The following SSUH2 variants were observed in gnomAD, a reference collection of about 807,000 sequenced individuals.
The protein encoded by SSUH2 is ssu-2 homolog.
SSUH2 carries 47 observed loss-of-function variants against 55.3 expected under a neutral mutation model. The ratio of observed to expected loss-of-function variants is 0.85; its 90% CI spans 0.67 to 1.08. The LOEUF (loss-of-function observed/expected upper bound fraction) is 1.08. SSUH2 is among the 50% of genes least tolerant of loss of function. The probability of loss-of-function intolerance (pLI) is 0.00; values close to 1 mark genes in which losing one functional copy is unlikely to be tolerated. For missense variants in SSUH2, 535 were observed against 490.7 expected (o/e 1.09, Z -0.85); for synonymous variants, 212 against 191.5 (o/e 1.11, Z -0.89).
chr3:8,677,704 CCT>C (rs1257204782), intron 2 of SSUH2, among the ~76,000 whole-genome samples: 8 of 150,740 alleles, frequency 5.3e-5, no homozygotes, highest in Non-Finnish European at 7.4e-5. Context: ...GGATTGCCCC[CCT>C]GTTTTAGGGC....
chr3:8,627,468 C>T lies in SSUH2; in HGVS notation c.674+230G>A, dbSNP rs1697826266. ...CCTCCCTGCAGTGGCTCTTTCTTCA[C>T]ACTCTTTCCACATATATTGCATGAC... On this transcript the variant is annotated intron_variant, in intron 8 of 11. Transcript: ENST00000544814. The T allele has an allele frequency of 7.5e-6, 3 of 397,588 alleles. No homozygotes were observed. The South Asian group carries it at 4.1e-4, about 54-fold the overall frequency. 24.6% of individuals were successfully genotyped at this position (397,588 alleles called of 1,614,324 possible).
At chr3:8,629,633 C>CTGACTCTCCAGTGGTTCACAGA in intron 7 of SSUH2, 31 bp downstream of exon 7, 6 of 1,587,720 alleles carry the variant, frequency 3.8e-6, no homozygotes, top group Non-Finnish European at 4.3e-6. Context: ...CACACCCTCA[C>CTGACTCTCCAGTGGTTCACAGA]TGACTCACCA....
chr3:8,665,106 T>C (rs557057230), intron 5 of SSUH2, among the ~76,000 whole-genome samples: 13 of 152,218 alleles, frequency 8.5e-5, no homozygotes, highest in Admixed American at 3.3e-4. Context: ...GTCAATGTTG[T>C]AGAATATTTA....
At chr3:8,676,086 G>A (rs60872910) in intron 3 of SSUH2, among the ~76,000 whole-genome samples, 6,601 of 151,966 alleles carry the variant, frequency 0.043, 466 homozygotes, top group African/African-American at 0.15. Flanking sequence ...TGGTGACTGA[G>A]AGCCAGCCCC....
intron 6 of SSUH2, among the ~76,000 whole-genome samples, chr3:8,663,327 A>C (rs529263639): frequency 4.6e-4 from 70 of 152,358 alleles, no homozygotes; most frequent in African/African-American, 1.7e-3. Context: ...GGAGCCTTGG[A>C]ATTCACCTAC....
At chr3:8,681,320 G>A (rs1419596252) in intron 1 of SSUH2, among the ~76,000 whole-genome samples, 2 of 149,516 alleles carry the variant, frequency 1.3e-5, no homozygotes, top group African/African-American at 4.9e-5. Context: ...ACCATCGCGG[G>A]GGTGGAGGCA....
Position 8,679,309 on chromosome 3 carries a change from G to A in SSUH2, c.-901+396C>T, listed in dbSNP as rs563227364. On this transcript the variant is annotated intron_variant, in intron 2 of 18. Transcript: ENST00000317371. ...GGGGGGGAGCCACCCCCCATGAGGC[G>A]GGGACTAAGAGCCAGCCCCTCTTCC... 2.4e-4 allele frequency among the ~76,000 whole-genome samples: 22 copies of A among 92,446 alleles called. 5 individuals carry two copies. Among genetic ancestry groups the A allele is most frequent in the African/African-American group, 5.7e-4 (17 of 30,072 alleles). The allele number at this position is 92,446 out of a possible 152,430, so 60.6% of individuals were successfully genotyped here. A position where few individuals can be genotyped will look rare whatever the true frequency, so the allele number is the denominator to read the frequency against.
At chr3:8,631,298 G>T (rs1182412553) in intron 5 of SSUH2, among the ~76,000 whole-genome samples, 1 of 152,158 alleles carries the variant, frequency 6.6e-6, no homozygotes, top group Non-Finnish European at 1.5e-5. Flanking sequence ...ACCAGGAATG[G>T]CACATACTGA....
chr3:8,676,973 G>A lies in SSUH2; in HGVS notation c.-753+233C>T, dbSNP rs1240391274. Among the ~76,000 whole-genome samples, 3 of 143,112 alleles carry A rather than the reference G, an allele frequency of 2.1e-5. 1 individual carries two copies. Among genetic ancestry groups the A allele is most frequent in the African/African-American group, 7.7e-5 (3 of 38,804 alleles). 93.9% of individuals were successfully genotyped at this position (143,112 alleles called of 152,430 possible). On this transcript the variant is annotated intron_variant, in intron 3 of 18. Coordinates refer to the SSUH2 transcript ENST00000317371. The stretch of plus-strand genomic sequence containing the variant: ...GGAAGGCATCCCCCTGTGAGGCGGG[G>A]ACTGAGAGCCAGTACCTCTTCCCCC...
chr3:8,668,846 C>T (rs1387003814), intron 5 of SSUH2, among the ~76,000 whole-genome samples: 1 of 151,606 alleles, frequency 6.6e-6, no homozygotes, highest in Non-Finnish European at 1.5e-5. Context: ...ACATGTTATT[C>T]ATGTTATTTT....
chr3:8,655,515 C>T (rs1702847380), intron 7 of SSUH2, among the ~76,000 whole-genome samples: 2 of 152,012 alleles, frequency 1.3e-5, no homozygotes, highest in Admixed American at 1.3e-4. Flanking sequence ...TCCCCCGGGT[C>T]TCAGTGTGTG....
chr3:8,623,958 G>A (rs908533439), intron 10 of SSUH2, among the ~76,000 whole-genome samples: 2 of 151,896 alleles, frequency 1.3e-5, no homozygotes, highest in Admixed American at 6.6e-5. Context: ...GTGTGGACTC[G>A]TGGGGTCTGT....
intron 10 of SSUH2, 79 bp downstream of exon 10, chr3:8,625,463 A>C (rs1490490538): frequency 1.2e-6 from 1 of 851,870 alleles, no homozygotes; most frequent in Admixed American, 1.9e-5. Context: ...CAGCCTGCAC[A>C]CACAGCTAGC....
chr3:8,674,295 A>G (rs548553908), intron 3 of SSUH2, among the ~76,000 whole-genome samples: 1 of 152,188 alleles, frequency 6.6e-6, no homozygotes, highest in Non-Finnish European at 1.5e-5. Context: ...TTGGAAAGAA[A>G]TAGGACAGTG....
chr3:8,644,448 T>C (rs59892226), intron 1 of SSUH2, among the ~76,000 whole-genome samples: 3,577 of 152,246 alleles, frequency 0.023, 158 homozygotes, highest in African/African-American at 0.08. Context: ...TCCTTCTCCA[T>C]TGTCCAAAGG....
chr3:8,633,555 C>A, intron 4 of SSUH2, 111 bp downstream of exon 4: 1 of 831,976 alleles, frequency 1.2e-6, no homozygotes, highest in Non-Finnish European at 1.8e-6. Flanking sequence ...AACACACTGC[C>A]CCCAGGACTC....
intron 3 of SSUH2, among the ~76,000 whole-genome samples, chr3:8,676,064 C>A (rs935319649): frequency 6.6e-6 from 1 of 152,070 alleles, no homozygotes; most frequent in African/African-American, 2.4e-5. Flanking sequence ...AACATAAAGG[C>A]CCCCCATGCT....
In SSUH2 at chr3:8,679,197, C is replaced by T. The variant is rs1314125376; in HGVS notation, c.-901+508G>A. 9.8e-5 allele frequency among the ~76,000 whole-genome samples: 9 copies of T among 92,130 alleles called. 2 individuals carry two copies. Among genetic ancestry groups the T allele is most frequent in the Non-Finnish European group, 2.0e-4 (8 of 39,980 alleles). 60.4% of individuals were successfully genotyped at this position (92,130 alleles called of 152,430 possible). On this transcript the variant is annotated intron_variant, in intron 2 of 18. Transcript: ENST00000317371. ...TGTTCCCCCACACTGGCTCTTGGGA[C>T]CCCCATCGCAGGGGGGATGGCACCC...
chr3:8,653,866 T>C (rs1702675019), intron 7 of SSUH2, among the ~76,000 whole-genome samples: 1 of 152,168 alleles, frequency 6.6e-6, no homozygotes, highest in Non-Finnish European at 1.5e-5. Context: ...TTTAGGCCAC[T>C]TTCCGGTACT....
Sources: allele counts gnomAD v4.1 joint callset (sites outside exome capture counted in the v4.1 genomes callset), GRCh38; gene constraint gnomAD v4.1.1; transcripts MANE v1.5; gene names NCBI Gene and HGNC (gene_info 2026-07-23, HGNC 2026-07-21).